EYS: variants seen among roughly 807,000 people sequenced by gnomAD.
The protein encoded by EYS is protein eyes shut homolog.
EYS carries 250 observed loss-of-function variants against 282.1 expected under a neutral mutation model. The observed-to-expected ratio is 0.89, with a 90% CI of 0.80 to 0.98. EYS has a LOEUF of 0.98. Among genes scored for constraint, EYS ranks in the 50% least tolerant of loss-of-function variants. The pLI is 0.00. For synonymous variants in EYS, 1,355 were observed against 1,282.9 expected, an observed-to-expected ratio of 1.06 and a Z score of -1.20; for missense variants, 4,016 against 3,709.0, an observed-to-expected ratio of 1.08 and a Z score of -2.15.
At position 64,750,420 on chromosome 6, in the gene EYS, T is replaced by TAAA. The variant is rs5876920; in HGVS notation, c.3443+62955_3443+62957dup. On this transcript the variant is annotated intron_variant, in intron 22 of 42. Transcript: ENST00000503581. Reference sequence around the variant, plus strand: ...ATTTTACAGCAAATAAGAGGGAAAGTAAAAAAAAAAAAGCTTTCTTTTTCT... The same window carrying TAAA: ...ATTTTACAGCAAATAAGAGGGAAAGTAAAAAAAAAAAAAAAGCTTTCTTTTTCT... Among the ~76,000 whole-genome samples the TAAA allele has an allele frequency of 5.7e-3, 839 of 147,026 alleles. 14 individuals are homozygous for TAAA. Among genetic ancestry groups the TAAA allele is most frequent in the African/African-American group, 0.02 (786 of 40,030 alleles).
intron 25 of EYS, 24 bp from the exon 26 acceptor site, chr6:64,592,013 A>C: frequency 7.0e-7 from 1 of 1,435,956 alleles, no homozygotes; most frequent in Admixed American, 2.9e-5. Flanking sequence ...AAAAGCCAAA[A>C]AGGTTAGAAA....
chr6:64,084,468 C>T (rs1772080199), intron 31 of EYS, among the ~76,000 whole-genome samples: 1 of 152,186 alleles, frequency 6.6e-6, no homozygotes. Flanking sequence ...AGAGAGAACA[C>T]AGGCTGTCTG....
chr6:64,606,550 T>C lies in EYS; in HGVS notation c.3684+10868A>G, dbSNP rs546636059. 5.3e-5 allele frequency among the ~76,000 whole-genome samples: 8 copies of C among 152,260 alleles called. No homozygotes were observed. In the South Asian group the frequency reaches 1.0e-3, roughly 20 times the overall value. On this transcript the variant is annotated intron_variant, in intron 24 of 42. Coordinates refer to ENST00000503581, the MANE Select transcript of EYS (RefSeq NM_001142800.2). ...ACCAATGAATACACTGATCATTTTA[T>C]ACTTATCTTTAACTAATTTATCATT...
rs80243284 is a variant in EYS, at chr6:63,987,641, A to G, written c.6835-3038T>C. Among the ~76,000 whole-genome samples, 1,286 of 151,810 alleles carry G rather than the reference A, an allele frequency of 8.5e-3. 6 individuals carry two copies. Among genetic ancestry groups the G allele is most frequent in the East Asian group, 0.021 (110 of 5,138 alleles). On this transcript the variant is annotated intron_variant, in intron 34 of 42. Coordinates refer to ENST00000503581, the MANE Select transcript of EYS (RefSeq NM_001142800.2). The stretch of plus-strand genomic sequence containing the variant: ...AGATGCAGCAACATTTGTGTGGGTA[A>G]CATCTCTGATATCCCAATTCCCAAA...
rs139079802 is a variant in EYS at position 63,893,702 on chromosome 6, C to T, written c.7056-29344G>A. 1.8e-4 allele frequency among the ~76,000 whole-genome samples: 28 copies of T among 152,154 alleles called. No individual in the cohort carries two copies. The East Asian group carries it at 4.8e-3, about 26-fold the overall frequency. The stretch of plus-strand genomic sequence containing the variant: ...TAACTTGCATGTTCTGCACATGTAT[C>T]CCAGAACTTAAAGTCCAATAATAAT... On this transcript the variant is annotated intron_variant, in intron 35 of 42. Coordinates refer to ENST00000503581, the MANE Select transcript of EYS (RefSeq NM_001142800.2).
At chr6:63,985,245 G>T (rs1212640679) in intron 34 of EYS, among the ~76,000 whole-genome samples, 1 of 151,638 alleles carries the variant, frequency 6.6e-6, no homozygotes, top group Non-Finnish European at 1.5e-5. Context: ...GAACAAAAAG[G>T]CGGAGATCAG....
chr6:65,127,953 C>T (rs1415385602), intron 12 of EYS, among the ~76,000 whole-genome samples: 1 of 152,004 alleles, frequency 6.6e-6, no homozygotes, highest in East Asian at 1.9e-4. Flanking sequence ...CACAGACAGA[C>T]ATCTAGTTTT....
intron 41 of EYS, among the ~76,000 whole-genome samples, chr6:63,732,835 G>A (rs1294784661): frequency 6.6e-6 from 1 of 152,152 alleles, no homozygotes; most frequent in Non-Finnish European, 1.5e-5. Context: ...AAAATTATTT[G>A]TGCTGTCATC....
chr6:64,464,559 A>C (rs1775855589), intron 26 of EYS, among the ~76,000 whole-genome samples: 1 of 152,182 alleles, frequency 6.6e-6, no homozygotes, highest in Non-Finnish European at 1.5e-5. Flanking sequence ...CTCAACTAAA[A>C]AGACCATTAG....
chr6:65,654,978 T>TAAAAA (rs36088825), intron 1 of EYS, among the ~76,000 whole-genome samples: 1 of 99,888 alleles, frequency 1.0e-5, no homozygotes, highest in Admixed American at 1.1e-4. Context: ...GGTCATTCAT[T>TAAAAA]AAAAAAAAAA....
chr6:64,365,798 G>C (rs1772162779), intron 29 of EYS, among the ~76,000 whole-genome samples: 1 of 151,894 alleles, frequency 6.6e-6, no homozygotes, highest in South Asian at 2.1e-4. Flanking sequence ...AGAATTACAT[G>C]AATGTCATCT....
chr6:63,740,134 A>T (rs911241978), intron 41 of EYS, among the ~76,000 whole-genome samples: 3 of 152,172 alleles, frequency 2.0e-5, no homozygotes, highest in African/African-American at 7.2e-5. Flanking sequence ...TATATTCCAG[A>T]TGTTAATTAA....
chr6:65,651,763 C>A (rs558462989), intron 1 of EYS, among the ~76,000 whole-genome samples: 1 of 152,118 alleles, frequency 6.6e-6, no homozygotes, highest in African/African-American at 2.4e-5. Flanking sequence ...AATCCAGAGT[C>A]TCCTATCATC....
intron 31 of EYS, among the ~76,000 whole-genome samples, chr6:64,210,347 G>C (rs1434519796): frequency 6.6e-6 from 1 of 152,018 alleles, no homozygotes; most frequent in Non-Finnish European, 1.5e-5. Context: ...TGGCAGCCCT[G>C]GTTCTTTCTG....
At chr6:63,953,696 C>A (rs552880736) in intron 35 of EYS, among the ~76,000 whole-genome samples, 5 of 152,158 alleles carry the variant, frequency 3.3e-5, no homozygotes, top group Non-Finnish European at 7.4e-5. Context: ...TCTTTCCCCA[C>A]TCCCCTTTCC....
chr6:63,821,951 C>T (rs1771336306), intron 36 of EYS: 1 of 152,224 alleles, frequency 6.6e-6, no homozygotes, highest in African/African-American at 2.4e-5. Flanking sequence ...TCAATCATTT[C>T]AGTGAAGAAA....
At chr6:65,129,415 A>G (rs1479153309) in intron 12 of EYS, among the ~76,000 whole-genome samples, 13 of 151,896 alleles carry the variant, frequency 8.6e-5, no homozygotes, top group Admixed American at 7.9e-4. Flanking sequence ...TTTGCAAACT[A>G]TGCATTTAAT....
chr6:65,687,814 A>G (rs1582603828), intron 1 of EYS, among the ~76,000 whole-genome samples: 1 of 152,202 alleles, frequency 6.6e-6, no homozygotes, highest in African/African-American at 2.4e-5. Flanking sequence ...CCAAATCATG[A>G]GTGAACTCCC....
chr6:65,195,119 G>T (rs2150242289), intron 12 of EYS, among the ~76,000 whole-genome samples: 1 of 151,978 alleles, frequency 6.6e-6, no homozygotes, highest in South Asian at 2.1e-4. Flanking sequence ...GGACCTTTTT[G>T]TCTTATATTA....
Sources: allele counts gnomAD v4.1 joint callset (sites outside exome capture counted in the v4.1 genomes callset), GRCh38; gene constraint gnomAD v4.1.1; transcripts MANE v1.5; gene names NCBI Gene and HGNC (gene_info 2026-07-23, HGNC 2026-07-21).